NKAIN3: variants seen among roughly 807,000 people sequenced by gnomAD.
NKAIN3 encodes sodium/potassium transporting ATPase interacting 3.
A neutral mutation model predicts 30.2 loss-of-function variants in NKAIN3; 25 were observed. The ratio of observed to expected loss-of-function variants is 0.83; its 90% CI spans 0.60 to 1.16. The LOEUF (loss-of-function observed/expected upper bound fraction) is 1.16. Among genes scored for constraint, NKAIN3 ranks in the 50% most tolerant of loss-of-function variants. The pLI, the probability that NKAIN3 is intolerant of heterozygous loss-of-function variation, is 0.00. For missense variants in NKAIN3, 225 were observed against 254.1 expected (o/e 0.89, Z 0.78); for synonymous variants, 91 against 89.6 (o/e 1.02, Z -0.09).
intron 1 of NKAIN3, among the ~76,000 whole-genome samples, chr8:62,330,227 G>C (rs773659116): frequency 6.6e-6 from 1 of 151,928 alleles, no homozygotes; most frequent in African/African-American, 2.4e-5. Context: ...AATGAGGATG[G>C]GGGGGTGAGC....
chr8:62,441,394 C>A (rs1805320336), intron 1 of NKAIN3, among the ~76,000 whole-genome samples: 1 of 151,740 alleles, frequency 6.6e-6, no homozygotes, highest in South Asian at 2.1e-4. Context: ...AAGAGTGTAA[C>A]TTTATTTCTT....
At chr8:62,260,130 C>T (rs959893400) in intron 1 of NKAIN3, among the ~76,000 whole-genome samples, 36 of 151,180 alleles carry the variant, frequency 2.4e-4, no homozygotes, top group African/African-American at 7.5e-4. Flanking sequence ...ACAGGGGTGA[C>T]GATAAGTCAT....
At chr8:62,641,497 T>C (rs1432935276) in intron 3 of NKAIN3, among the ~76,000 whole-genome samples, 1 of 152,184 alleles carries the variant, frequency 6.6e-6, no homozygotes, top group East Asian at 1.9e-4. Flanking sequence ...ATAAATTCTT[T>C]GTAGCACATT....
chr8:62,851,931 T>C (rs1262007452), intron 4 of NKAIN3, among the ~76,000 whole-genome samples: 2 of 152,282 alleles, frequency 1.3e-5, no homozygotes, highest in East Asian at 3.9e-4. Context: ...TTTTGTTGTG[T>C]TTCTGCCAGG....
At chr8:62,918,757 G>A (rs1182651322) in intron 5 of NKAIN3, among the ~76,000 whole-genome samples, 1 of 152,134 alleles carries the variant, frequency 6.6e-6, no homozygotes, top group South Asian at 2.1e-4. Flanking sequence ...AAGGACTGCT[G>A]TCATATCATA....
chr8:62,933,634 A>G (rs761280165), intron 5 of NKAIN3, among the ~76,000 whole-genome samples: 1 of 152,188 alleles, frequency 6.6e-6, no homozygotes, highest in African/African-American at 2.4e-5. Context: ...TTTAAATATC[A>G]TACACTATTA....
chr8:62,516,851 T>C (rs1808007435), intron 1 of NKAIN3, among the ~76,000 whole-genome samples: 1 of 152,074 alleles, frequency 6.6e-6, no homozygotes, highest in Non-Finnish European at 1.5e-5. Flanking sequence ...TTTGAACATC[T>C]CTCATTACCT....
At chr8:62,636,922 T>A (rs1253333928) in intron 3 of NKAIN3, among the ~76,000 whole-genome samples, 1 of 152,208 alleles carries the variant, frequency 6.6e-6, no homozygotes. Context: ...CTCTCACTTA[T>A]AATTGCTTGA....
At chr8:62,506,161 AATCAC>A (rs754961663) in intron 1 of NKAIN3, among the ~76,000 whole-genome samples, 6 of 149,396 alleles carry the variant, frequency 4.0e-5, no homozygotes, top group Non-Finnish European at 7.4e-5. Flanking sequence ...TCCTTAGCTT[AATCAC>A]ATCTGCAAAG....
intron 3 of NKAIN3, among the ~76,000 whole-genome samples, chr8:62,728,853 G>A (rs1815350399): frequency 6.6e-6 from 1 of 150,424 alleles, no homozygotes; most frequent in Non-Finnish European, 1.5e-5. Flanking sequence ...AGCCAGGCGT[G>A]GTGGCGGGCG....
intron 3 of NKAIN3, among the ~76,000 whole-genome samples, chr8:62,691,346 G>C (rs1813959801): frequency 6.6e-6 from 1 of 152,032 alleles, no homozygotes; most frequent in Non-Finnish European, 1.5e-5. Context: ...CACCGTGTCT[G>C]ATCCTGACGC....
At chr8:62,863,529 T>C in intron 4 of NKAIN3, 1 of 1,390,632 alleles carries the variant, frequency 7.2e-7, no homozygotes, top group South Asian at 1.2e-5. Flanking sequence ...AACTTGATGA[T>C]CCAGTTGAGG....
downstream of NKAIN3, among the ~76,000 whole-genome samples, chr8:62,988,891 C>T (rs2130931475): frequency 6.6e-6 from 1 of 152,324 alleles, no homozygotes; most frequent in Admixed American, 6.5e-5. Flanking sequence ...TTAGGCTCTG[C>T]TTCCTCCTGA....
chr8:62,408,290 G>T (rs1160155611), intron 1 of NKAIN3, among the ~76,000 whole-genome samples: 2 of 151,942 alleles, frequency 1.3e-5, no homozygotes, highest in East Asian at 3.9e-4. Flanking sequence ...ATTTTTAAAG[G>T]CCGTGAAAAT....
At chr8:62,866,000 A>G (rs747067011) in intron 4 of NKAIN3, among the ~76,000 whole-genome samples, 1 of 152,158 alleles carries the variant, frequency 6.6e-6, no homozygotes, top group Non-Finnish European at 1.5e-5. Flanking sequence ...ATCATTCTCT[A>G]TGTGGCACTT....
intron 1 of NKAIN3, among the ~76,000 whole-genome samples, chr8:62,449,458 T>C (rs1477602337): frequency 6.6e-6 from 1 of 152,094 alleles, no homozygotes; most frequent in Non-Finnish European, 1.5e-5. Context: ...TTCTTTCATA[T>C]ATATGTCACC....
chr8:62,805,941 C>G (rs1214040441), intron 4 of NKAIN3, among the ~76,000 whole-genome samples: 1 of 152,026 alleles, frequency 6.6e-6, no homozygotes, highest in Non-Finnish European at 1.5e-5. Flanking sequence ...ACAATGAACT[C>G]AAACAAATTT....
chr8:62,272,230 C>T (rs1286146781), intron 1 of NKAIN3, among the ~76,000 whole-genome samples: 1 of 152,084 alleles, frequency 6.6e-6, no homozygotes, highest in Non-Finnish European at 1.5e-5. Flanking sequence ...GATTCTTAAC[C>T]CAGGGCAGCA....
At chr8:62,267,936 TTTTTATTGTA>T (rs1470169108) in intron 1 of NKAIN3, among the ~76,000 whole-genome samples, 3 of 152,212 alleles carry the variant, frequency 2.0e-5, no homozygotes, top group Non-Finnish European at 4.4e-5. Flanking sequence ...TAGGAATTTG[TTTTTATTGTA>T]TTTTACAATA....
Sources: allele counts gnomAD v4.1 joint callset (sites outside exome capture counted in the v4.1 genomes callset), GRCh38; gene constraint gnomAD v4.1.1; transcripts MANE v1.5; gene names NCBI Gene and HGNC (gene_info 2026-07-23, HGNC 2026-07-21).